The following TIAM1 variants were observed in gnomAD, a reference collection of about 807,000 sequenced individuals.
TIAM1 encodes rho guanine nucleotide exchange factor TIAM1.
Under a neutral mutation model 163.5 loss-of-function variants are expected in TIAM1, and 65 were observed. That is an observed-to-expected ratio of 0.40 (90% CI 0.33 to 0.49). The LOEUF (loss-of-function observed/expected upper bound fraction) is 0.49. Among genes scored for constraint, TIAM1 ranks in the 20% least tolerant of loss-of-function variants. TIAM1 has a pLI of 0.77. For synonymous variants in TIAM1, 833 were observed against 810.1 expected, an observed-to-expected ratio of 1.03 and a Z score of -0.48; for missense variants, 1,789 against 2,044.7, an observed-to-expected ratio of 0.87 and a Z score of 2.41.
chr21:31,466,188 A>G (rs1256754502), intron 1 of TIAM1, among the ~76,000 whole-genome samples: 4 of 152,226 alleles, frequency 2.6e-5, no homozygotes, highest in African/African-American at 9.6e-5. Flanking sequence ...CAATAGGGAG[A>G]AAGATTGGGC....
At chr21:31,310,100 G>A (rs1198809928) in intron 2 of TIAM1, among the ~76,000 whole-genome samples, 1 of 152,228 alleles carries the variant, frequency 6.6e-6, no homozygotes, top group Non-Finnish European at 1.5e-5. Flanking sequence ...CACCTGGGAA[G>A]TAAGGAAATG....
At position 31,141,134 on chromosome 21, in the gene TIAM1, G is replaced by T. The variant is rs1222010630; in HGVS notation, c.3758C>A (p.Thr1253Asn). Reference protein sequence around the residue: ...AVFDQLIAEQTGEKKEVADLS... With the variant: ...AVFDQLIAEQNGEKKEVADLS... ...GACCCTCACCTCTTTTTTCTCACCA[G>T]TCTGTTCAGCAATCAGCTGGTCAAA... The change falls in exon 22 of 28, where the codon ACT (threonine) becomes AAT (asparagine). Residue 1253 changes from threonine (T) to asparagine (N), a missense_variant. Thr to Asn is a moderately conservative substitution (Grantham distance 65, BLOSUM62 0). Coordinates refer to ENST00000541036, the MANE Select transcript of TIAM1 (RefSeq NM_001353694.2). This position sits in a 1 kb window ranked among gnomAD's most constrained non-coding sequence, Gnocchi z 4.7. 3.1e-6 allele frequency: 5 copies of T among 1,613,592 alleles called. No individual in the cohort carries two copies. The South Asian group carries it at 5.5e-5, about 18-fold the overall frequency.
At chr21:31,227,994 C>T (rs1407879692) in intron 6 of TIAM1, among the ~76,000 whole-genome samples, 2 of 151,784 alleles carry the variant, frequency 1.3e-5, no homozygotes, top group African/African-American at 2.4e-5. Flanking sequence ...CCTCCGCCTC[C>T]CGAGTTCAAG....
At position 31,154,385 on chromosome 21, in the gene TIAM1, C is replaced by G; in HGVS notation, c.3033G>C (p.Glu1011Asp). ...QVAAFCRSLH[E>D]MNPSDQSPSP... Reference sequence around the variant, plus strand: ...ATGGGCTCTGGTCAGAGGGGTTCATCTCATGCAAACTGCGGCAAAATGCGG... The same window carrying G: ...ATGGGCTCTGGTCAGAGGGGTTCATGTCATGCAAACTGCGGCAAAATGCGG... Residue 1011 changes from glutamate (E) to aspartate (D), a missense_variant, in exon 17 of 28, where the codon GAG (glutamate) becomes GAC (aspartate). Physicochemically the swap from Glu to Asp is conservative, Grantham distance 45. Transcript: ENST00000541036. 6.2e-7 allele frequency: 1 copy of G among 1,614,144 alleles called. No homozygotes were observed. The highest frequency in any genetic ancestry group is 8.5e-7 in the Non-Finnish European group (1 of 1,180,032).
chr21:31,217,899 A>T (rs2087312443), intron 8 of TIAM1, among the ~76,000 whole-genome samples, 200 bp from the exon 9 acceptor site: 1 of 152,244 alleles, frequency 6.6e-6, no homozygotes, highest in Non-Finnish European at 1.5e-5. Flanking sequence ...CAGAATGGAA[A>T]TGAAAAGCTG....
chr21:31,145,970 C>T (rs1031862453), intron 20 of TIAM1, among the ~76,000 whole-genome samples: 1 of 151,970 alleles, frequency 6.6e-6, no homozygotes, highest in Non-Finnish European at 1.5e-5. Context: ...AAGAACCTGT[C>T]GACAACGTGA....
At chr21:31,494,383 T>G (rs762688585) in intron 1 of TIAM1, among the ~76,000 whole-genome samples, 4 of 152,104 alleles carry the variant, frequency 2.6e-5, no homozygotes, top group Admixed American at 6.6e-5. Context: ...CTATTTCCAA[T>G]GAAGAATCCT....
At chr21:31,490,647 C>T (rs1569379391) in intron 1 of TIAM1, among the ~76,000 whole-genome samples, 1 of 152,184 alleles carries the variant, frequency 6.6e-6, no homozygotes, top group Non-Finnish European at 1.5e-5. Flanking sequence ...TGGGTTAGGG[C>T]TGGCCATGTG....
intron 1 of TIAM1, among the ~76,000 whole-genome samples, chr21:31,555,368 T>C (rs957165917): frequency 2.0e-5 from 3 of 152,184 alleles, no homozygotes; most frequent in Non-Finnish European, 4.4e-5. Flanking sequence ...ACATACCTTC[T>C]ACCTGTTTGC....
intron 1 of TIAM1, among the ~76,000 whole-genome samples, chr21:31,538,204 CT>C (rs776474312): frequency 1.1e-4 from 17 of 152,026 alleles, no homozygotes; most frequent in Non-Finnish European, 1.8e-4. Context: ...ATAACGTACA[CT>C]TTTCTGTATG....
chr21:31,452,266 T>C (rs2044890948), intron 2 of TIAM1, among the ~76,000 whole-genome samples: 1 of 152,176 alleles, frequency 6.6e-6, no homozygotes, highest in Non-Finnish European at 1.5e-5. Context: ...GATGAAATCC[T>C]GTCTCTACTA....
chr21:31,269,997 A>T (rs2072986819), intron 3 of TIAM1, among the ~76,000 whole-genome samples: 1 of 152,126 alleles, frequency 6.6e-6, no homozygotes, highest in African/African-American at 2.4e-5. Flanking sequence ...TACCCTTTCC[A>T]TGTACAAATG....
chr21:31,333,653 T>C (rs1011018359), intron 2 of TIAM1, among the ~76,000 whole-genome samples: 2 of 152,196 alleles, frequency 1.3e-5, no homozygotes, highest in East Asian at 3.9e-4. Context: ...TTGCCCAGGC[T>C]GGTCTCGAAT....
intron 1 of TIAM1, among the ~76,000 whole-genome samples, chr21:31,555,409 A>G (rs2123335534): frequency 6.6e-6 from 1 of 152,288 alleles, no homozygotes; most frequent in East Asian, 1.9e-4. Context: ...ACATGTAAAT[A>G]TACATGTGTG....
At chr21:31,357,262 A>G (rs2076330900) in intron 2 of TIAM1, among the ~76,000 whole-genome samples, 1 of 152,140 alleles carries the variant, frequency 6.6e-6, no homozygotes, top group Admixed American at 6.5e-5. Flanking sequence ...TTCTCTGTCT[A>G]TTCCCTCACC....
chr21:31,185,855 A>T (rs1052176688), intron 14 of TIAM1, among the ~76,000 whole-genome samples: 2 of 151,982 alleles, frequency 1.3e-5, no homozygotes, highest in Non-Finnish European at 2.9e-5. Flanking sequence ...GATTGGAGTG[A>T]TACAGCCATA....
chr21:31,296,824 C>T (rs2074288048), intron 2 of TIAM1, among the ~76,000 whole-genome samples: 1 of 152,138 alleles, frequency 6.6e-6, no homozygotes, highest in South Asian at 2.1e-4. Context: ...CCACCACGCC[C>T]AGCTAATTTT....
intron 1 of TIAM1, among the ~76,000 whole-genome samples, chr21:31,491,715 C>G (rs2046474358): frequency 2.0e-5 from 3 of 152,230 alleles, no homozygotes; most frequent in Admixed American, 2.0e-4. Flanking sequence ...AATTTATAGA[C>G]TACCCACTGC....
intron 1 of TIAM1, among the ~76,000 whole-genome samples, chr21:31,485,894 C>T (rs966307620): frequency 7.9e-5 from 12 of 152,294 alleles, no homozygotes; most frequent in Middle Eastern, 3.4e-3. Context: ...GGTGAGTTCC[C>T]TGTACAAGGT....
Sources: allele counts gnomAD v4.1 joint callset (sites outside exome capture counted in the v4.1 genomes callset), GRCh38; gene constraint gnomAD v4.1.1; non-coding constraint Gnocchi (gnomAD v3.1); transcripts MANE v1.5; gene names NCBI Gene and HGNC (gene_info 2026-07-23, HGNC 2026-07-21).